RHOU: variants seen among roughly 807,000 people sequenced by gnomAD.
RHOU encodes the protein ras homolog family member U, also known as rho-related GTP-binding protein RhoU.
In RHOU, 8 loss-of-function variants were observed where a neutral mutation model predicts 12.6. The observed-to-expected ratio is 0.64, with a 90% CI of 0.37 to 1.15. RHOU has a LOEUF of 1.15. Ranked by LOEUF, RHOU falls within the 50% of genes most tolerant of loss-of-function variation. RHOU has a pLI of 0.01. For synonymous variants in RHOU, 161 were observed against 147.4 expected, an observed-to-expected ratio of 1.09 and a Z score of -0.67; for missense variants, 258 against 347.0, an observed-to-expected ratio of 0.74 and a Z score of 2.04.
At chr1:228,721,083 C>T in the RHOU span, among the ~76,000 whole-genome samples, 1 of 152,204 alleles carries the variant, frequency 6.6e-6, no homozygotes, top group Non-Finnish European at 1.5e-5. Flanking sequence ...GGGTGGATCA[C>T]TTGAGGTCAG....
intron 2 of RHOU, among the ~76,000 whole-genome samples, chr1:228,741,690 A>G (rs1662723231): frequency 6.6e-6 from 1 of 152,130 alleles, no homozygotes; most frequent in Admixed American, 6.5e-5. Flanking sequence ...AATTTTTTTT[A>G]GAGAGCAGGG....
chr1:228,713,806 T>C, the RHOU span, among the ~76,000 whole-genome samples: 1 of 152,176 alleles, frequency 6.6e-6, no homozygotes, highest in Non-Finnish European at 1.5e-5. Flanking sequence ...GGAGCAGTCT[T>C]ATAGAACTGA....
At chr1:228,688,928 G>C in the RHOU span, among the ~76,000 whole-genome samples, 1 of 152,162 alleles carries the variant, frequency 6.6e-6, no homozygotes, top group Admixed American at 6.5e-5. Flanking sequence ...CAAATATAAA[G>C]CTACATATGG....
chr1:228,649,457 T>C, the RHOU span, among the ~76,000 whole-genome samples: 2 of 152,222 alleles, frequency 1.3e-5, no homozygotes, highest in East Asian at 3.8e-4. Context: ...CTGTTGCTTG[T>C]TTTTATTAGG....
At chr1:228,655,106 C>CT in the RHOU span, among the ~76,000 whole-genome samples, 695 of 137,000 alleles carry the variant, frequency 5.1e-3, 7 homozygotes, top group East Asian at 0.028. Flanking sequence ...ATTAACCTTG[C>CT]TTTTTTTTTT....
the RHOU span, chr1:228,687,896 C>G: frequency 1.2e-6 from 1 of 824,410 alleles, no homozygotes; most frequent in South Asian, 1.4e-5. Flanking sequence ...CCCTTTCTAA[C>G]ATATTGTTCT....
Position 228,744,126 on chromosome 1 carries a change from T to G in RHOU, c.*386T>G, listed in dbSNP as rs1662778432. On this transcript the variant is annotated 3_prime_UTR_variant, in exon 3 of 3. Coordinates refer to ENST00000366691, the MANE Select transcript of RHOU (RefSeq NM_021205.6). ...AACACTATGGTTAACCCTCTCTTGA[T>G]TAAGGGCTACTTAATGCACAGTGCA... 1 of 189,778 alleles carries G rather than the reference T, an allele frequency of 5.3e-6. No individual in the cohort carries two copies. The highest frequency in any genetic ancestry group is 1.4e-4 in the East Asian group (1 of 7,318). The allele number at this position is 189,778 out of a possible 1,614,324, so 11.8% of individuals were successfully genotyped here.
chr1:228,648,029 A>G, the RHOU span: 1 of 152,230 alleles, frequency 6.6e-6, no homozygotes, highest in Non-Finnish European at 1.5e-5. Flanking sequence ...GTATGGCCTT[A>G]GACGCCGGTA....
At chr1:228,707,251 ATATAGTGTGTGTGT>A in the RHOU span, among the ~76,000 whole-genome samples, 24 of 96,612 alleles carry the variant, frequency 2.5e-4, no homozygotes, top group East Asian at 5.6e-4. Context: ...ATATATATAT[ATATAGTGTGTGTGT>A]GTGTGTGTGT....
chr1:228,742,540 A>C (rs1296221003), intron 2 of RHOU, among the ~76,000 whole-genome samples: 1 of 152,212 alleles, frequency 6.6e-6, no homozygotes, highest in African/African-American at 2.4e-5. Context: ...GGATAAAGGA[A>C]GTAGGAGAAA....
At chr1:228,736,824 T>C (rs1320017533) in intron 1 of RHOU, among the ~76,000 whole-genome samples, 2 of 148,352 alleles carry the variant, frequency 1.3e-5, no homozygotes, top group Non-Finnish European at 3.0e-5. Flanking sequence ...CTTAACTGTC[T>C]TGCTTCTTTA....
chr1:228,725,700 A>C, the RHOU span, among the ~76,000 whole-genome samples: 1 of 152,214 alleles, frequency 6.6e-6, no homozygotes, highest in Non-Finnish European at 1.5e-5. Context: ...CAACTATAAA[A>C]TATTTTTAAT....
the RHOU span, among the ~76,000 whole-genome samples, chr1:228,712,843 AAAATAAAATAAAAT>A: frequency 1.5e-5 from 2 of 130,412 alleles, no homozygotes; most frequent in East Asian, 2.0e-4. Flanking sequence ...AAAATAAAAT[AAAATAAAATAAAAT>A]AAAATAAAAT....
chr1:228,721,937 G>A, the RHOU span, among the ~76,000 whole-genome samples: 1 of 152,208 alleles, frequency 6.6e-6, no homozygotes, highest in African/African-American at 2.4e-5. Flanking sequence ...ACAGGCGTGA[G>A]CCACCACACC....
the RHOU span, among the ~76,000 whole-genome samples, chr1:228,689,297 A>G: frequency 2.0e-5 from 3 of 151,708 alleles, no homozygotes; most frequent in Non-Finnish European, 4.4e-5. Flanking sequence ...AGACAATGTG[A>G]AAGGGTAAAT....
chr1:228,721,954 T>C, the RHOU span, among the ~76,000 whole-genome samples: 1 of 152,120 alleles, frequency 6.6e-6, no homozygotes, highest in African/African-American at 2.4e-5. Flanking sequence ...CACCCGGCCT[T>C]TGTTTTCCAC....
chr1:228,705,324 G>C, the RHOU span, among the ~76,000 whole-genome samples: 1 of 152,056 alleles, frequency 6.6e-6, no homozygotes, highest in East Asian at 1.9e-4. Context: ...GTAAGATTTT[G>C]CTATTTCTGT....
chr1:228,647,445 C>T, the RHOU span, among the ~76,000 whole-genome samples: 3 of 152,214 alleles, frequency 2.0e-5, no homozygotes, highest in Non-Finnish European at 4.4e-5. Flanking sequence ...CAATAGGAAT[C>T]CGGGTGCACA....
At chr1:228,655,817 T>G in the RHOU span, among the ~76,000 whole-genome samples, 1 of 152,234 alleles carries the variant, frequency 6.6e-6, no homozygotes, top group African/African-American at 2.4e-5. Context: ...GAAGTCACTG[T>G]GTTAAAACCT....
Sources: allele counts gnomAD v4.1 joint callset (sites outside exome capture counted in the v4.1 genomes callset), GRCh38; gene constraint gnomAD v4.1.1; transcripts MANE v1.5; gene names NCBI Gene and HGNC (gene_info 2026-07-23, HGNC 2026-07-21).